Variants in OSBPL5 observed in about 807,000 individuals in gnomAD.
The protein encoded by OSBPL5 is oxysterol binding protein like 5, also known as oxysterol-binding protein-related protein 5.
In OSBPL5, 71 loss-of-function variants were observed where a neutral mutation model predicts 111.2. That is an observed-to-expected ratio of 0.64 (90% confidence interval 0.53 to 0.78). OSBPL5 has a LOEUF of 0.78. OSBPL5 is among the 30% of genes least tolerant of loss of function. OSBPL5 has a pLI of 0.00. For missense variants in OSBPL5, 1,210 were observed against 1,189.3 expected, an observed-to-expected ratio of 1.02 and a Z score of -0.26; for synonymous variants, 549 against 513.9, an observed-to-expected ratio of 1.07 and a Z score of -0.93.
intron 7 of OSBPL5, among the ~76,000 whole-genome samples, chr11:3,112,500 A>G (rs1388199305): frequency 7.6e-6 from 1 of 132,394 alleles, no homozygotes; most frequent in Non-Finnish European, 1.6e-5. Context: ...TTTTTTGACT[A>G]AAGTAGTTAT....
intron 1 of OSBPL5, among the ~76,000 whole-genome samples, chr11:3,131,694 T>TCCATC (rs1564850007): frequency 2.9e-5 from 1 of 34,446 alleles, no homozygotes; most frequent in African/African-American, 1.5e-4. Flanking sequence ...ACCCACCCAT[T>TCCATC]CATCTATCCA....
At chr11:3,119,669 AC>A (rs751246519) in intron 6 of OSBPL5, 38 bp from the exon 7 acceptor site, 1 of 1,559,210 alleles carries the variant, frequency 6.4e-7, no homozygotes, top group South Asian at 1.2e-5. Context: ...CCGAGGCAAC[AC>A]CCAGGGCCAG....
At chr11:3,108,466 G>C (rs74853690) in intron 7 of OSBPL5, among the ~76,000 whole-genome samples, 16,201 of 152,172 alleles carry the variant, frequency 0.11, 1,745 homozygotes, top group African/African-American at 0.27. Flanking sequence ...GGAGTCCAGG[G>C]AGGAGGGTGG....
intron 16 of OSBPL5, 29 bp downstream of exon 16, chr11:3,093,717 C>G (rs745737778): frequency 6.2e-7 from 1 of 1,612,586 alleles, no homozygotes; most frequent in Admixed American, 1.7e-5. Flanking sequence ...ACCGCCCGGC[C>G]GTGCCTGCCC....
At position 3,093,576 on chromosome 11, in the gene OSBPL5, T is replaced by C. The variant is rs754383227; in HGVS notation, c.1897A>G (p.Arg633Gly). Residue 633 changes from arginine (R) to glycine (G), a missense_variant, in exon 17 of 22, where the codon AGG becomes GGG. Coordinates refer to ENST00000263650, the MANE Select transcript of OSBPL5 (RefSeq NM_020896.4). ...TCCTCCAGCGGCACCGTGTGCTGCC[T>C]CAGCCTCTGTCTGCGGACCTCCCCG... ...PSGEVRRQRL[R>G]QHTVPLEEQT... 11 of 1,612,164 alleles carry C rather than the reference T, an allele frequency of 6.8e-6. No individual in the cohort carries two copies. The East Asian group carries it at 1.8e-4, about 26-fold the overall frequency.
At chr11:3,091,047 C>A (rs1278804081) in intron 19 of OSBPL5, among the ~76,000 whole-genome samples, 3 of 152,194 alleles carry the variant, frequency 2.0e-5, no homozygotes, top group Admixed American at 2.0e-4. Context: ...GGTTCTGACC[C>A]CTGAGCCATG....
In OSBPL5 at chr11:3,141,166, GCCACCCAGGCTT is replaced by G. The variant is rs1846100691; in HGVS notation, c.-21-12009_-21-11998del. On this transcript the variant is annotated intron_variant, in intron 1 of 21. Transcript: ENST00000263650. This position sits in a 1 kb window ranked among gnomAD's most constrained non-coding sequence, Gnocchi z 6.5. ...AGTTTCGAGTGCTCTGATGCTGACA[GCCACCCAGGCTT>G]CCCCCCGCCCAGCAGACAGTATCGT... 6.6e-6 allele frequency among the ~76,000 whole-genome samples: 1 copy of G among 152,154 alleles called. No homozygotes were observed. The highest frequency in any genetic ancestry group is 1.5e-5 in the Non-Finnish European group (1 of 68,032).
At chr11:3,158,164 C>G (rs556866294) in intron 1 of OSBPL5, among the ~76,000 whole-genome samples, 10 of 152,390 alleles carry the variant, frequency 6.6e-5, no homozygotes, top group African/African-American at 2.4e-4. Context: ...CCTCCTGTGG[C>G]CAAGCGGCCT....
chr11:3,120,562 G>A lies in OSBPL5; in HGVS notation c.465C>T (p.Leu155=), dbSNP rs752605357. 4 of 1,613,326 alleles carry A rather than the reference G, an allele frequency of 2.5e-6. No individual in the cohort carries two copies. The highest frequency in any genetic ancestry group is 3.4e-6 in the Non-Finnish European group (4 of 1,180,036). The part of the protein sequence containing the change: ...LWCVLKPGVL[L]IYKTPKVGQW... Reference sequence around the variant, plus strand: ...GGCCCACCTTGGGCGTCTTGTAGATGAGCAGCACCCCCGGCTTCAGCACGC... The same window carrying A: ...GGCCCACCTTGGGCGTCTTGTAGATAAGCAGCACCCCCGGCTTCAGCACGC... The change falls in exon 6 of 22, where the codon CTC becomes CTT. Residue 155 remains leucine, a synonymous_variant. Transcript: ENST00000263650.
In OSBPL5 at chr11:3,101,656, C is replaced by T. The variant is rs547003210; in HGVS notation, c.1469G>A (p.Arg490Gln). 9.9e-6 allele frequency: 16 copies of T among 1,613,930 alleles called. No individual in the cohort carries two copies. Among genetic ancestry groups the T allele is most frequent in the South Asian group, 3.3e-5 (3 of 91,078 alleles). Reference sequence around the variant, plus strand: ...GCCACTGATGCAGAAGCCGTCCTTCCGGTTGCTGACGTGGAAGGCAGACAC... The same window carrying T: ...GCCACTGATGCAGAAGCCGTCCTTCTGGTTGCTGACGTGGAAGGCAGACAC... The part of the protein sequence containing the change: ...PPVSAFHVSN[R>Q]KDGFCISGSI... Residue 490 changes from arginine (R) to glutamine (Q), a missense_variant, in exon 13 of 22, where the codon CGG becomes CAG. By Grantham distance (43) the Arg-to-Gln change is conservative (BLOSUM62 1). Coordinates refer to ENST00000263650, the MANE Select transcript of OSBPL5 (RefSeq NM_020896.4).
chr11:3,121,890 A>C lies in OSBPL5; in HGVS notation c.402+107T>G. 1.0e-6 allele frequency: 1 copy of C among 953,562 alleles called. No homozygotes were observed. Among genetic ancestry groups the C allele is most frequent in the Middle Eastern group, 2.2e-4 (1 of 4,552 alleles). The allele number at this position is 953,562 out of a possible 1,614,324, so 59.1% of individuals were successfully genotyped here. A position where few individuals can be genotyped will look rare whatever the true frequency, so the allele number is the denominator to read the frequency against. ...GGCTGCAGTGATAACGGCTAGATGC[A>C]GGGAAGTGAATTTCCATCGTTTCAG... On this transcript the variant is annotated intron_variant, in intron 5 of 21. Coordinates refer to ENST00000263650, the MANE Select transcript of OSBPL5 (RefSeq NM_020896.4). The surrounding 1 kb of genome is among the most constrained non-coding windows in gnomAD (Gnocchi z 4.3).
At position 3,120,579 on chromosome 11, in the gene OSBPL5, T is replaced by C; in HGVS notation, c.448A>G (p.Lys150Glu). ...KSWTKLWCVL[K>E]PGVLLIYKTP... ...TTGTAGATGAGCAGCACCCCCGGCT[T>C]CAGCACGCACCACAGCTTGGTCCAG... Residue 150 changes from lysine to glutamate, a missense_variant, in exon 6 of 22, where the codon AAG (lysine) becomes GAG (glutamate). Transcript: ENST00000263650. The C allele has an allele frequency of 6.2e-7, 1 of 1,613,274 alleles. No individual in the cohort carries two copies. Among genetic ancestry groups the C allele is most frequent in the Non-Finnish European group, 8.5e-7 (1 of 1,180,020 alleles).
Position 3,092,604 on chromosome 11 carries a change from G to C in OSBPL5, c.2133-46C>G. 2.6e-6 allele frequency: 4 copies of C among 1,525,052 alleles called. No homozygotes were observed. The highest frequency in any genetic ancestry group is 3.5e-6 in the Non-Finnish European group (4 of 1,128,746). 94.5% of individuals were successfully genotyped at this position (1,525,052 alleles called of 1,614,324 possible). A position where few individuals can be genotyped will look rare whatever the true frequency, so the allele number is the denominator to read the frequency against. On this transcript the variant is annotated intron_variant, in intron 18 of 21. Coordinates refer to ENST00000263650, the MANE Select transcript of OSBPL5 (RefSeq NM_020896.4). This position sits in a 1 kb window ranked among gnomAD's most constrained non-coding sequence, Gnocchi z 5.4. Reference sequence around the variant, plus strand: ...TCATCAGCACAGGCAGTGGCCCTCAGGTGAGGGGGCTGTCCTGGCCCAGTC... The same window carrying C: ...TCATCAGCACAGGCAGTGGCCCTCACGTGAGGGGGCTGTCCTGGCCCAGTC...
intron 7 of OSBPL5, among the ~76,000 whole-genome samples, chr11:3,114,527 C>A (rs1185196773): frequency 7.2e-6 from 1 of 138,712 alleles, no homozygotes; most frequent in Non-Finnish European, 1.5e-5. Flanking sequence ...TTATAATGGT[C>A]TTTCTAGAGA....
At chr11:3,136,346 G>A (rs1845947753) in intron 1 of OSBPL5, among the ~76,000 whole-genome samples, 1 of 152,258 alleles carries the variant, frequency 6.6e-6, no homozygotes, top group African/African-American at 2.4e-5. Context: ...TGTAAAGAAA[G>A]GTCACTGGCG....
At chr11:3,090,728 G>T in intron 19 of OSBPL5, 32 bp from the exon 20 acceptor site, 1 of 1,586,054 alleles carries the variant, frequency 6.3e-7, no homozygotes, top group Non-Finnish European at 8.6e-7. Flanking sequence ...GCAGCTGAAA[G>T]CCACCCACGC....
chr11:3,116,966 G>C (rs746619406), intron 7 of OSBPL5, among the ~76,000 whole-genome samples: 7 of 151,754 alleles, frequency 4.6e-5, no homozygotes, highest in Non-Finnish European at 8.8e-5. Context: ...GCTATTTACA[G>C]CTTTTAACAA....
At chr11:3,148,580 G>A (rs1846450859) in intron 1 of OSBPL5, among the ~76,000 whole-genome samples, 1 of 152,254 alleles carries the variant, frequency 6.6e-6, no homozygotes, top group Non-Finnish European at 1.5e-5. Context: ...ATGACGGCAG[G>A]GCGGGGGCAC....
intron 14 of OSBPL5, among the ~76,000 whole-genome samples, chr11:3,095,275 C>T (rs778377361): frequency 5.5e-5 from 8 of 144,786 alleles, no homozygotes; most frequent in Non-Finnish European, 1.2e-4. Context: ...CACACCACTG[C>T]ACTCTAGCCT....
Sources: gnomAD v4.1 joint callset for allele counts (sites outside exome capture counted in the v4.1 genomes callset) on GRCh38, gnomAD v4.1.1 for gene constraint, Gnocchi (gnomAD v3.1) non-coding constraint, MANE v1.5 for transcripts, NCBI Gene and HGNC (gene_info 2026-07-23, HGNC 2026-07-21) for gene names.